MAGI1: variants seen among roughly 807,000 people sequenced by gnomAD.
MAGI1 encodes the protein membrane associated guanylate kinase, WW and PDZ domain containing 1, also known as membrane-associated guanylate kinase, WW and PDZ domain-containing protein 1.
MAGI1 carries 58 observed loss-of-function variants against 139.9 expected under a neutral mutation model. The observed-to-expected ratio is 0.41, with a 90% CI of 0.34 to 0.52. The LOEUF is 0.52. MAGI1 is among the 20% of genes least tolerant of loss of function. The pLI, the probability that MAGI1 is intolerant of heterozygous loss-of-function variation, is 0.12. For missense variants in MAGI1, 1,874 were observed against 1,901.6 expected (o/e 0.99, Z 0.27); for synonymous variants, 812 against 737.9 (o/e 1.10, Z -1.63).
intron 1 of MAGI1, among the ~76,000 whole-genome samples, chr3:65,693,571 AT>A (rs777354200): frequency 6.6e-6 from 1 of 152,176 alleles, no homozygotes; most frequent in East Asian, 1.9e-4. Context: ...TTAATGCCTT[AT>A]TTGAAATGTC....
intron 4 of MAGI1, among the ~76,000 whole-genome samples, chr3:65,470,951 T>G (rs1029539358): frequency 6.6e-6 from 1 of 152,212 alleles, no homozygotes; most frequent in African/African-American, 2.4e-5. Context: ...GTATAAACGA[T>G]TTTATAAGTT....
At chr3:65,746,628 C>T (rs549799161) in intron 1 of MAGI1, among the ~76,000 whole-genome samples, 1 of 152,240 alleles carries the variant, frequency 6.6e-6, no homozygotes, top group African/African-American at 2.4e-5. Flanking sequence ...TCACTCGGCA[C>T]ATCTAGTGAG....
At chr3:65,828,112 G>C (rs2042327622) in intron 1 of MAGI1, among the ~76,000 whole-genome samples, 1 of 152,232 alleles carries the variant, frequency 6.6e-6, no homozygotes, top group African/African-American at 2.4e-5. Context: ...TGGCATTGGA[G>C]AAGTGATGGA....
intron 1 of MAGI1, among the ~76,000 whole-genome samples, chr3:65,696,167 G>C (rs1341436230): frequency 2.0e-5 from 3 of 152,026 alleles, no homozygotes; most frequent in Admixed American, 1.3e-4. Flanking sequence ...TCCTCCATCA[G>C]AAACATCCCC....
chr3:65,486,172 A>C (rs900365388), intron 3 of MAGI1, among the ~76,000 whole-genome samples: 1 of 152,166 alleles, frequency 6.6e-6, no homozygotes, highest in African/African-American at 2.4e-5. Context: ...CTTTTTGCAG[A>C]CCTTCTAGGA....
rs1559642759 is a variant in MAGI1, at chr3:65,530,752, T to TATAC, written c.431-37122_431-37121insGTAT. ...ACGTATATATATATGCACATATATA[T>TATAC]ACACGTATATATATATATATACACA... On this transcript the variant is annotated intron_variant, in intron 2 of 22. Transcript: ENST00000402939. 8.5e-4 allele frequency among the ~76,000 whole-genome samples: 45 copies of TATAC among 53,190 alleles called. 2 individuals are homozygous for TATAC. The highest frequency in any genetic ancestry group is 1.6e-3 in the Non-Finnish European group (43 of 27,276). The allele number at this position is 53,190 out of a possible 152,430, so 34.9% of individuals were successfully genotyped here.
intron 1 of MAGI1, chr3:65,718,593 T>C (rs1003156268): frequency 1.2e-4 from 19 of 152,172 alleles, no homozygotes; most frequent in African/African-American, 4.1e-4. Flanking sequence ...TTCATGACTC[T>C]GGTATAAACA....
rs1176899313 is a variant in MAGI1 at position 65,812,468 on chromosome 3, T to TCTCTCACACACACACACACACACA, written c.314-190381_314-190380insTGTGTGTGTGTGTGTGTGTGAGAG. 1.6e-3 allele frequency among the ~76,000 whole-genome samples: 144 copies of TCTCTCACACACACACACACACACA among 89,120 alleles called. No homozygotes were observed. In the South Asian group the frequency reaches 0.018, roughly 11 times the overall value. The allele number at this position is 89,120 out of a possible 152,430, so 58.5% of individuals were successfully genotyped here. A position where few individuals can be genotyped will look rare whatever the true frequency, so the allele number is the denominator to read the frequency against. Reference sequence around the variant, plus strand: ...CTTTCTCTCTCTCTCTCTCTCTCTCTCACACACACACACACACACACACTT... The same window carrying TCTCTCACACACACACACACACACA: ...CTTTCTCTCTCTCTCTCTCTCTCTCTCTCTCACACACACACACACACACACACACACACACACACACACACACTT... On this transcript the variant is annotated intron_variant, in intron 1 of 22. Coordinates refer to ENST00000402939, the MANE Select transcript of MAGI1 (RefSeq NM_001033057.2).
At chr3:65,707,867 T>C (rs2030650940) in intron 1 of MAGI1, among the ~76,000 whole-genome samples, 1 of 152,012 alleles carries the variant, frequency 6.6e-6, no homozygotes, top group South Asian at 2.1e-4. Flanking sequence ...AGCAAGCCAA[T>C]AAAATTAGGA....
intron 1 of MAGI1, among the ~76,000 whole-genome samples, chr3:65,789,008 T>C (rs956756720): frequency 2.6e-5 from 4 of 151,800 alleles, no homozygotes; most frequent in Non-Finnish European, 5.9e-5. Context: ...TGAGACCCCA[T>C]CTCTACAAAA....
chr3:65,869,255 CAAAA>C (rs35601573), intron 1 of MAGI1, among the ~76,000 whole-genome samples: 1 of 78,658 alleles, frequency 1.3e-5, no homozygotes, highest in Non-Finnish European at 3.1e-5. Flanking sequence ...GACTCCGTCT[CAAAA>C]AAAAAAAAAA....
intron 1 of MAGI1, among the ~76,000 whole-genome samples, chr3:65,977,265 T>C (rs1010607256): frequency 6.6e-6 from 1 of 152,194 alleles, no homozygotes; most frequent in Non-Finnish European, 1.5e-5. Flanking sequence ...CATCACTTTG[T>C]TGTCACTGTC....
intron 1 of MAGI1, among the ~76,000 whole-genome samples, chr3:65,958,274 T>C (rs2064234968): frequency 6.6e-6 from 1 of 152,212 alleles, no homozygotes. Context: ...ACATTCTAAA[T>C]TTAGCTCAAT....
intron 1 of MAGI1, among the ~76,000 whole-genome samples, chr3:65,802,050 C>G (rs1178646555): frequency 3.3e-5 from 5 of 152,160 alleles, no homozygotes; most frequent in Admixed American, 3.3e-4. Flanking sequence ...TGAGGTGGAA[C>G]AGTTTCATCC....
At chr3:65,575,573 T>C (rs930774199) in intron 2 of MAGI1, among the ~76,000 whole-genome samples, 2 of 152,124 alleles carry the variant, frequency 1.3e-5, no homozygotes, top group Non-Finnish European at 2.9e-5. Context: ...TACACACAAA[T>C]GTTCATAGCA....
chr3:65,542,428 T>C (rs144826102), intron 2 of MAGI1, among the ~76,000 whole-genome samples: 3,084 of 152,180 alleles, frequency 0.02, 109 homozygotes, highest in African/African-American at 0.07. Flanking sequence ...ACTTTAAATT[T>C]CATATGGAAC....
At chr3:65,616,201 C>T (rs2083359407) in intron 2 of MAGI1, among the ~76,000 whole-genome samples, 1 of 107,436 alleles carries the variant, frequency 9.3e-6, no homozygotes, top group Non-Finnish European at 2.0e-5. Flanking sequence ...ATAGCAAATA[C>T]GTTTCAATGG....
intron 1 of MAGI1, among the ~76,000 whole-genome samples, chr3:65,896,300 C>CAA (rs113756012): frequency 7.4e-6 from 1 of 135,144 alleles, no homozygotes; most frequent in Non-Finnish European, 1.6e-5. Flanking sequence ...GTAATCACGA[C>CAA]AAAAAAAAAA....
At position 66,010,340 on chromosome 3, in the gene MAGI1, A is replaced by G. The variant is rs200524920; in HGVS notation, c.313+27656T>C. Among the ~76,000 whole-genome samples the G allele has an allele frequency of 2.4e-4, 36 of 152,312 alleles. No homozygotes were observed. In the East Asian group the frequency reaches 4.3e-3, roughly 18 times the overall value. On this transcript the variant is annotated intron_variant, in intron 1 of 22. Coordinates refer to ENST00000402939, the MANE Select transcript of MAGI1 (RefSeq NM_001033057.2). Reference sequence around the variant, plus strand: ...GCCTTGGCCACTCCTCAGGGCTCCCAATATGCATATCCCTAGGCAATAACT... The same window carrying G: ...GCCTTGGCCACTCCTCAGGGCTCCCGATATGCATATCCCTAGGCAATAACT...
Sources: gnomAD v4.1 joint callset for allele counts (sites outside exome capture counted in the v4.1 genomes callset) on GRCh38, gnomAD v4.1.1 for gene constraint, MANE v1.5 for transcripts, NCBI Gene and HGNC (gene_info 2026-07-23, HGNC 2026-07-21) for gene names.